The following RNGTT variants were observed in gnomAD, a reference collection of about 807,000 sequenced individuals.
The protein encoded by RNGTT is mRNA-capping enzyme.
RNGTT carries 33 observed loss-of-function variants against 79.3 expected under a neutral mutation model. That is an observed-to-expected ratio of 0.42 (90% CI 0.32 to 0.56). The LOEUF is 0.56. Ranked by LOEUF, RNGTT falls within the 20% of genes least tolerant of loss-of-function variation. The probability of loss-of-function intolerance (pLI) is 0.17; values close to 1 mark genes in which losing one functional copy is unlikely to be tolerated. For missense variants in RNGTT, 497 were observed against 739.1 expected (o/e 0.67, Z 3.80); for synonymous variants, 222 against 235.9 (o/e 0.94, Z 0.54).
chr6:88,883,832 A>C (rs1782772188), intron 8 of RNGTT, among the ~76,000 whole-genome samples: 1 of 152,220 alleles, frequency 6.6e-6, no homozygotes, highest in Admixed American at 6.5e-5. Context: ...AAAAAACATG[A>C]ACAAAGTCAA....
chr6:88,674,977 A>T (rs979382518), intron 14 of RNGTT, among the ~76,000 whole-genome samples: 1 of 152,052 alleles, frequency 6.6e-6, no homozygotes, highest in African/African-American at 2.4e-5. Context: ...GCGAGCCTGT[A>T]ATCTCAGCTA....
In RNGTT at chr6:88,747,596, C is replaced by T. The variant is rs189593840; in HGVS notation, c.1439+22178G>A. Among the ~76,000 whole-genome samples the T allele has an allele frequency of 6.6e-5, 10 of 152,266 alleles. No individual in the cohort carries two copies. The East Asian group carries it at 1.7e-3, about 26-fold the overall frequency. On this transcript the variant is annotated intron_variant, in intron 13 of 15. Coordinates refer to ENST00000369485, the MANE Select transcript of RNGTT (RefSeq NM_003800.5). The stretch of plus-strand genomic sequence containing the variant: ...AGAAGTCTATAAAAGCCTGTATCCC[C>T]GTGTTTGATGGTGAGCCTAAAGTCT...
At chr6:88,721,934 C>T (rs1259869145) in intron 13 of RNGTT, among the ~76,000 whole-genome samples, 1 of 151,798 alleles carries the variant, frequency 6.6e-6, no homozygotes, top group African/African-American at 2.4e-5. Context: ...CTTTTTAAAT[C>T]TTGTTTTCTC....
chr6:88,635,154 A>G (rs1274834563), intron 14 of RNGTT, among the ~76,000 whole-genome samples: 3 of 152,084 alleles, frequency 2.0e-5, no homozygotes, highest in African/African-American at 2.4e-5. Context: ...CACAGAAGCA[A>G]TCATTCCTTT....
chr6:88,822,771 A>T lies in RNGTT; in HGVS notation c.1270-21139T>A, dbSNP rs1780535575. ...CATTGATAGGATGGCAATTAAAAAC[A>T]GGTGATCAACCAACAAATACATCAA... On this transcript the variant is annotated intron_variant, in intron 11 of 15. Coordinates refer to ENST00000369485, the MANE Select transcript of RNGTT (RefSeq NM_003800.5). Among the ~76,000 whole-genome samples the T allele has an allele frequency of 2.0e-5, 3 of 152,226 alleles. No individual in the cohort carries two copies. In the South Asian group the frequency reaches 6.2e-4, roughly 32 times the overall value.
In RNGTT at chr6:88,842,689, A is replaced by C. The variant is rs550925593; in HGVS notation, c.1269+1668T>G. Reference sequence around the variant, plus strand: ...AATCATAGCAATATTAGAACATAATATAAAAACATTTTAGAGATGAAGGGC... The same window carrying C: ...AATCATAGCAATATTAGAACATAATCTAAAAACATTTTAGAGATGAAGGGC... On this transcript the variant is annotated intron_variant, in intron 11 of 15. Transcript: ENST00000369485. 2.0e-5 allele frequency among the ~76,000 whole-genome samples: 3 copies of C among 152,346 alleles called. No individual in the cohort carries two copies. The South Asian group carries it at 6.2e-4, about 32-fold the overall frequency.
chr6:88,807,617 G>A (rs542315653), intron 11 of RNGTT, among the ~76,000 whole-genome samples: 148 of 152,080 alleles, frequency 9.7e-4, no homozygotes, highest in Non-Finnish European at 1.6e-3. Flanking sequence ...GCTGGAATGC[G>A]AAAACAAAAA....
At chr6:88,937,452 T>C (rs1202910173) in intron 2 of RNGTT, among the ~76,000 whole-genome samples, 1 of 152,202 alleles carries the variant, frequency 6.6e-6, no homozygotes, top group Non-Finnish European at 1.5e-5. Context: ...TTTTTCTTGG[T>C]TGGTCTAGCA....
intron 13 of RNGTT, among the ~76,000 whole-genome samples, chr6:88,733,938 A>T (rs1777199752): frequency 6.6e-6 from 1 of 152,172 alleles, no homozygotes; most frequent in South Asian, 2.1e-4. Context: ...TGTCCTGAAA[A>T]AAGTATTAAA....
At chr6:88,661,169 G>A (rs1774167923) in intron 14 of RNGTT, among the ~76,000 whole-genome samples, 1 of 152,110 alleles carries the variant, frequency 6.6e-6, no homozygotes, top group South Asian at 2.1e-4. Context: ...AGCAAAAGCG[G>A]TACTAAGAGG....
At chr6:88,770,585 T>C (rs1778621900) in intron 12 of RNGTT, among the ~76,000 whole-genome samples, 1 of 152,170 alleles carries the variant, frequency 6.6e-6, no homozygotes, top group Non-Finnish European at 1.5e-5. Context: ...TTTTTGGCTA[T>C]CATGAATGAT....
chr6:88,834,132 C>A (rs1780980539), intron 11 of RNGTT, among the ~76,000 whole-genome samples: 1 of 152,126 alleles, frequency 6.6e-6, no homozygotes, highest in South Asian at 2.1e-4. Flanking sequence ...TCATATTTAG[C>A]AAACATAGAA....
intron 13 of RNGTT, among the ~76,000 whole-genome samples, chr6:88,713,263 C>T (rs2127808356): frequency 6.6e-6 from 1 of 152,166 alleles, no homozygotes; most frequent in East Asian, 1.9e-4. Flanking sequence ...AGAAGGCTGC[C>T]ATATGGAAAC....
At chr6:88,944,358 A>G (rs754651000) in intron 1 of RNGTT, among the ~76,000 whole-genome samples, 9 of 152,250 alleles carry the variant, frequency 5.9e-5, no homozygotes, top group Non-Finnish European at 1.3e-4. Context: ...TGTAGAGTCC[A>G]TGAATGAAAC....
chr6:88,868,148 CA>C (rs758000624), intron 8 of RNGTT, among the ~76,000 whole-genome samples: 74 of 132,142 alleles, frequency 5.6e-4, no homozygotes, highest in South Asian at 1.0e-3. Context: ...ACCTGATTTC[CA>C]AAAAAAAAAA....
chr6:88,620,401 A>G (rs1373008026), intron 14 of RNGTT, among the ~76,000 whole-genome samples: 1 of 151,856 alleles, frequency 6.6e-6, no homozygotes, highest in Non-Finnish European at 1.5e-5. Flanking sequence ...TTTCATAGAA[A>G]ATAACTGGAC....
chr6:88,730,114 T>C (rs1187959519), intron 13 of RNGTT, among the ~76,000 whole-genome samples: 1 of 152,218 alleles, frequency 6.6e-6, no homozygotes, highest in Non-Finnish European at 1.5e-5. Context: ...AAAAGTTTGT[T>C]AGGAAATGCA....
intron 13 of RNGTT, among the ~76,000 whole-genome samples, chr6:88,733,252 T>C (rs1167208102): frequency 2.0e-5 from 3 of 152,022 alleles, no homozygotes; most frequent in Non-Finnish European, 2.9e-5. Context: ...TCCCAGCTAC[T>C]TGGAAGAAGG....
intron 4 of RNGTT, among the ~76,000 whole-genome samples, chr6:88,907,762 C>G (rs1582116947): frequency 8.2e-6 from 1 of 121,702 alleles, no homozygotes; most frequent in African/African-American, 3.1e-5. Context: ...TTTTTAGAGA[C>G]AGGATCTCAT....
Sources: gnomAD v4.1 joint callset for allele counts (sites outside exome capture counted in the v4.1 genomes callset) on GRCh38, gnomAD v4.1.1 for gene constraint, MANE v1.5 for transcripts, NCBI Gene and HGNC (gene_info 2026-07-23, HGNC 2026-07-21) for gene names.